Variants in PCDHGB4 observed in about 807,000 individuals in gnomAD.
PCDHGB4 encodes the protein protocadherin gamma-B4.
In PCDHGB4, 38 loss-of-function variants were observed where a neutral mutation model predicts 60.5. The observed-to-expected ratio is 0.63, with a 90% CI of 0.48 to 0.82. The LOEUF (loss-of-function observed/expected upper bound fraction) is 0.82, where lower values mean the gene tolerates loss of function less well. PCDHGB4 is among the 40% of genes least tolerant of loss of function. PCDHGB4 has a pLI of 0.00. For missense variants in PCDHGB4, 1,109 were observed against 1,209.6 expected, an observed-to-expected ratio of 0.92 and a Z score of 1.23; for synonymous variants, 456 against 509.7, an observed-to-expected ratio of 0.89 and a Z score of 1.42.
Position 141,489,172 on chromosome 5 carries a change from T to G in PCDHGB4, c.2398-5635T>G. 1 of 1,199,026 alleles carries G rather than the reference T, an allele frequency of 8.3e-7. No individual in the cohort carries two copies. Among genetic ancestry groups the G allele is most frequent in the East Asian group, 2.4e-5 (1 of 42,106 alleles). The allele number at this position is 1,199,026 out of a possible 1,614,324, so 74.3% of individuals were successfully genotyped here. ...ACATAAGAGACTTCAGCTGCTGCATTCCAAGCCCTGGGTCTACCTTGGAGA... is the reference window on the plus strand; with the variant it reads ...ACATAAGAGACTTCAGCTGCTGCATGCCAAGCCCTGGGTCTACCTTGGAGA... On this transcript the variant is annotated intron_variant, in intron 1 of 3. Coordinates refer to ENST00000519479, the MANE Select transcript of PCDHGB4 (RefSeq NM_003736.4). This position sits in a 1 kb window ranked among gnomAD's most constrained non-coding sequence, Gnocchi z 4.5.
chr5:141,389,817 C>G lies in PCDHGB4; in HGVS notation c.1933C>G (p.Arg645Gly). The part of the protein sequence containing the change: ...AVRQRLLVAV[R>G]DGGQPPLSAT... ...CCGCCAGCGCCTTCTGGTCGCCGTGCGTGACGGTGGACAGCCACCACTCTC... is the reference window on the plus strand; with the variant it reads ...CCGCCAGCGCCTTCTGGTCGCCGTGGGTGACGGTGGACAGCCACCACTCTC... Residue 645 changes from arginine to glycine, a missense_variant, in exon 1 of 4, where the codon CGT becomes GGT. By Grantham distance (125) the Arg-to-Gly change is moderately radical (BLOSUM62 -2). This residue lies in a region of PCDHGB4 where 1,068 missense variants were observed against 1,089.9 expected (regional missense o/e 0.98). Transcript: ENST00000519479. 1.2e-6 allele frequency: 2 copies of G among 1,613,870 alleles called. No individual in the cohort carries two copies. Among genetic ancestry groups the G allele is most frequent in the Non-Finnish European group, 1.7e-6 (2 of 1,179,892 alleles).
At chr5:141,501,510 T>A (rs11744379) in intron 2 of PCDHGB4, among the ~76,000 whole-genome samples, 1 of 151,824 alleles carries the variant, frequency 6.6e-6, no homozygotes, top group African/African-American at 2.4e-5. Flanking sequence ...CTCCAAGGCC[T>A]CCAAGCTGAA....
chr5:141,399,405 G>A (rs768053678), intron 1 of PCDHGB4: 1 of 1,613,974 alleles, frequency 6.2e-7, no homozygotes, highest in Admixed American at 1.7e-5. Flanking sequence ...GGGGCAAGCC[G>A]CCCCTCTCCT....
At position 141,477,115 on chromosome 5, in the gene PCDHGB4, A is replaced by G. The variant is rs1218111107; in HGVS notation, c.2398-17692A>G. ...AAGACAAGGGCGCCAATCCCGAAGG[A>G]GCACATTGCAAAGTGTTGGTGGAGG... On this transcript the variant is annotated intron_variant, in intron 1 of 3. Transcript: ENST00000519479. This position sits in a 1 kb window ranked among gnomAD's most constrained non-coding sequence, Gnocchi z 4.9. 1 of 1,614,230 alleles carries G rather than the reference A, an allele frequency of 6.2e-7. No homozygotes were observed. Among genetic ancestry groups the G allele is most frequent in the South Asian group, 1.1e-5 (1 of 91,090 alleles).
At chr5:141,441,655 C>A in intron 1 of PCDHGB4, 1 of 247,430 alleles carries the variant, frequency 4.0e-6, no homozygotes. Context: ...TTCTAGGTGT[C>A]CTTGAGCGCA....
Position 141,485,842 on chromosome 5 carries a change from T to G in PCDHGB4, c.2398-8965T>G. 4 of 1,614,002 alleles carry G rather than the reference T, an allele frequency of 2.5e-6. No homozygotes were observed. The highest frequency in any genetic ancestry group is 3.4e-6 in the Non-Finnish European group (4 of 1,179,982). On this transcript the variant is annotated intron_variant, in intron 1 of 3. Coordinates refer to ENST00000519479, the MANE Select transcript of PCDHGB4 (RefSeq NM_003736.4). The surrounding 1 kb of genome is among the most constrained non-coding windows in gnomAD (Gnocchi z 5.7). ...TCGATGGAGGGAACCCGCCGAGATC[T>G]GGCACCGCAGAGCTCCGGGTATCCG...
At chr5:141,400,031 G>T in intron 1 of PCDHGB4, 1 of 1,613,082 alleles carries the variant, frequency 6.2e-7, no homozygotes, top group Admixed American at 1.7e-5. Flanking sequence ...GACGCGGCCC[G>T]CCAGCGCCTG....
Position 141,485,859 on chromosome 5 carries a change from G to A in PCDHGB4, c.2398-8948G>A, listed in dbSNP as rs1272239385. ...CCGAGATCTGGCACCGCAGAGCTCC[G>A]GGTATCCGTGCTGGACGTAAACGAC... On this transcript the variant is annotated intron_variant, in intron 1 of 3. Transcript: ENST00000519479. This position sits in a 1 kb window ranked among gnomAD's most constrained non-coding sequence, Gnocchi z 5.7. 3.7e-6 allele frequency: 6 copies of A among 1,614,046 alleles called. No homozygotes were observed. Among genetic ancestry groups the A allele is most frequent in the Admixed American group, 3.3e-5 (2 of 60,000 alleles).
At chr5:141,500,723 G>A (rs6875791) in intron 2 of PCDHGB4, among the ~76,000 whole-genome samples, 4,890 of 152,100 alleles carry the variant, frequency 0.032, 255 homozygotes, top group African/African-American at 0.11. Flanking sequence ...ATTTCCCCAT[G>A]TCTTTCAAAA....
Position 141,476,129 on chromosome 5 carries a change from G to A in PCDHGB4, c.2398-18678G>A. ...GCTTTTGAGTGAGATGGTCCCAGAG[G>A]CCTGGAGGAGCGGACTGGTAAGCAC... On this transcript the variant is annotated intron_variant, in intron 1 of 3. Transcript: ENST00000519479. This position sits in a 1 kb window ranked among gnomAD's most constrained non-coding sequence, Gnocchi z 7.6. The A allele has an allele frequency of 6.2e-7, 1 of 1,606,848 alleles. No homozygotes were observed. The highest frequency in any genetic ancestry group is 8.5e-7 in the Non-Finnish European group (1 of 1,177,814).
intron 1 of PCDHGB4, among the ~76,000 whole-genome samples, chr5:141,444,242 G>A (rs964582042): frequency 7.5e-6 from 1 of 133,896 alleles, no homozygotes; most frequent in Non-Finnish European, 1.5e-5. Flanking sequence ...CATGCTCTCG[G>A]CTCACTGCAA....
chr5:141,410,617 T>A, intron 1 of PCDHGB4: 2 of 1,603,978 alleles, frequency 1.2e-6, no homozygotes, highest in Non-Finnish European at 1.7e-6. Flanking sequence ...AGACTCTGAC[T>A]TCGGTGAGTT....
intron 1 of PCDHGB4, among the ~76,000 whole-genome samples, chr5:141,446,322 C>A (rs1561922470): frequency 2.0e-5 from 3 of 151,968 alleles, no homozygotes; most frequent in South Asian, 4.1e-4. Flanking sequence ...TGGGTTTCCA[C>A]ATTAAGGAAC....
Position 141,487,928 on chromosome 5 carries a change from A to G in PCDHGB4, c.2398-6879A>G. Reference sequence around the variant, plus strand: ...GGGAGCACAGGAGGCTACAGTGCACAGGGTACAGTGCACCAGGCAGTCACT... The same window carrying G: ...GGGAGCACAGGAGGCTACAGTGCACGGGGTACAGTGCACCAGGCAGTCACT... On this transcript the variant is annotated intron_variant, in intron 1 of 3. Transcript: ENST00000519479. The surrounding 1 kb of genome is among the most constrained non-coding windows in gnomAD (Gnocchi z 5.0). The G allele has an allele frequency of 3.2e-6, 2 of 620,886 alleles. No homozygotes were observed. The highest frequency in any genetic ancestry group is 5.6e-6 in the Non-Finnish European group (2 of 355,916). The allele number at this position is 620,886 out of a possible 1,614,324, so 38.5% of individuals were successfully genotyped here. A position where few individuals can be genotyped will look rare whatever the true frequency, so the allele number is the denominator to read the frequency against.
At chr5:141,413,109 A>G in intron 1 of PCDHGB4, 2 of 1,498,490 alleles carry the variant, frequency 1.3e-6, no homozygotes, top group African/African-American at 1.4e-5. Flanking sequence ...ACAGAAAGAC[A>G]AAGGAACCGG....
chr5:141,444,467 G>A (rs1288596542), intron 1 of PCDHGB4, among the ~76,000 whole-genome samples: 3 of 151,998 alleles, frequency 2.0e-5, no homozygotes, highest in African/African-American at 4.8e-5. Flanking sequence ...CACTGCGCCC[G>A]GTCGCGTACT....
chr5:141,489,425 G>T lies in PCDHGB4; in HGVS notation c.2398-5382G>T, dbSNP rs779739693. 6.2e-7 allele frequency: 1 copy of T among 1,614,118 alleles called. No homozygotes were observed. The highest frequency in any genetic ancestry group is 8.5e-7 in the Non-Finnish European group (1 of 1,180,030). The stretch of plus-strand genomic sequence containing the variant: ...TTAAAGATGACAGATCTGTTGAGCC[G>T]GCGGCTGCAATTGGGCTCTGAGGAG... On this transcript the variant is annotated intron_variant, in intron 1 of 3. Transcript: ENST00000519479. This position sits in a 1 kb window ranked among gnomAD's most constrained non-coding sequence, Gnocchi z 4.5.
chr5:141,418,006 C>T, intron 1 of PCDHGB4: 7 of 1,613,896 alleles, frequency 4.3e-6, no homozygotes, highest in Non-Finnish European at 5.9e-6. Flanking sequence ...TGGTGGGGAA[C>T]CTCGCTAAGG....
rs560582745 is a variant in PCDHGB4 at position 141,399,792 on chromosome 5, A to C, written c.2397+9511A>C. On this transcript the variant is annotated intron_variant, in intron 1 of 3. Transcript: ENST00000519479. ...TGGTGGGCGACCGAAACGACAACGCACCGCGGGTGCTGTACCCCGCGCTGG... is the reference window on the plus strand; with the variant it reads ...TGGTGGGCGACCGAAACGACAACGCCCCGCGGGTGCTGTACCCCGCGCTGG... 8 of 1,613,146 alleles carry C rather than the reference A, an allele frequency of 5.0e-6. No homozygotes were observed. The South Asian group carries it at 8.8e-5, about 18-fold the overall frequency.
Sources: allele counts gnomAD v4.1 joint callset (sites outside exome capture counted in the v4.1 genomes callset), GRCh38; gene constraint gnomAD v4.1.1; regional missense constraint gnomAD v4.1.1; non-coding constraint Gnocchi (gnomAD v3.1); transcripts MANE v1.5; gene names NCBI Gene and HGNC (gene_info 2026-07-23, HGNC 2026-07-21).